The following GRHL2 variants were observed in gnomAD, a reference collection of about 807,000 sequenced individuals.
GRHL2 encodes the protein grainyhead-like protein 2 homolog.
In GRHL2, 21 loss-of-function variants were observed where a neutral mutation model predicts 83.8. That is an observed-to-expected ratio of 0.25 (90% CI 0.18 to 0.36). The LOEUF (loss-of-function observed/expected upper bound fraction) is 0.36, where lower values mean the gene tolerates loss of function less well. GRHL2 is among the 10% of genes least tolerant of loss of function. The pLI, the probability that GRHL2 is intolerant of heterozygous loss-of-function variation, is 1.00. For missense variants in GRHL2, 623 were observed against 781.8 expected, an observed-to-expected ratio of 0.80 and a Z score of 2.42; for synonymous variants, 280 against 278.9, an observed-to-expected ratio of 1.00 and a Z score of -0.04.
intron 14 of GRHL2, 29 bp downstream of exon 14, chr8:101,649,528 G>A (rs767972231): frequency 6.5e-7 from 1 of 1,541,962 alleles, no homozygotes; most frequent in East Asian, 2.2e-5. Context: ...TCAGCCTCCA[G>A]GAAACCTGCT....
chr8:101,575,270 T>A (rs1480800513), intron 6 of GRHL2, among the ~76,000 whole-genome samples: 1 of 152,046 alleles, frequency 6.6e-6, no homozygotes, highest in Non-Finnish European at 1.5e-5. Context: ...CCTCTTAACA[T>A]CATTATCATC....
chr8:101,656,760 AGT>A (rs1397337346), intron 14 of GRHL2, among the ~76,000 whole-genome samples: 2 of 152,220 alleles, frequency 1.3e-5, no homozygotes, highest in South Asian at 2.1e-4. Context: ...AGGATAAATG[AGT>A]GTGTATACAT....
chr8:101,583,106 G>A (rs191363221), intron 7 of GRHL2, among the ~76,000 whole-genome samples: 2 of 152,314 alleles, frequency 1.3e-5, no homozygotes, highest in East Asian at 3.9e-4. Context: ...ATAGAATACT[G>A]TGACAAAATG....
At chr8:101,595,550 G>C (rs1477238414) in intron 7 of GRHL2, among the ~76,000 whole-genome samples, 1 of 152,192 alleles carries the variant, frequency 6.6e-6, no homozygotes, top group Non-Finnish European at 1.5e-5. Context: ...AAGGACTTCA[G>C]TTGATCTAAA....
At chr8:101,677,151 A>G in the GRHL2 span, among the ~76,000 whole-genome samples, 1 of 152,000 alleles carries the variant, frequency 6.6e-6, no homozygotes, top group South Asian at 2.1e-4. Context: ...AGCATGGCAC[A>G]TGTATACATA....
chr8:101,678,511 G>A, the GRHL2 span, among the ~76,000 whole-genome samples: 7 of 151,904 alleles, frequency 4.6e-5, no homozygotes, highest in East Asian at 1.9e-4. Context: ...GGGGAGGGGC[G>A]CCCGCCATTG....
At chr8:101,604,100 A>G (rs1812577626) in intron 8 of GRHL2, among the ~76,000 whole-genome samples, 1 of 150,470 alleles carries the variant, frequency 6.6e-6, no homozygotes, top group Non-Finnish European at 1.5e-5. Flanking sequence ...GTGTGTGTAG[A>G]TTAAGATCCC....
chr8:101,502,155 A>G (rs941217150), intron 1 of GRHL2, among the ~76,000 whole-genome samples: 10 of 152,338 alleles, frequency 6.6e-5, no homozygotes, highest in African/African-American at 2.4e-4. Context: ...TGCATTGCCA[A>G]TAAGATAATT....
In GRHL2 at chr8:101,558,446, G is replaced by C; in HGVS notation, c.312G>C (p.Gln104His). The C allele has an allele frequency of 6.2e-7, 1 of 1,614,192 alleles. No homozygotes were observed. Among genetic ancestry groups the C allele is most frequent in the South Asian group, 1.1e-5 (1 of 91,072 alleles). The change falls in exon 4 of 16, where the codon CAG becomes CAC. Residue 104 changes from glutamine (Q) to histidine (H), a missense_variant. This residue lies in a region of GRHL2 where 239 missense variants were observed against 240.5 expected (regional missense o/e 0.99). Coordinates refer to ENST00000646743, the MANE Select transcript of GRHL2 (RefSeq NM_024915.4). Reference protein sequence around the residue: ...KRNCLGTSEAQSNLSGGENRV... With the variant: ...KRNCLGTSEAHSNLSGGENRV... ...ACTGCCTTGGCACCAGTGAAGCCCA[G>C]AGTAATTTGAGTGGAGGAGAAAACC...
At chr8:101,560,916 A>G (rs1247502407) in intron 4 of GRHL2, among the ~76,000 whole-genome samples, 1 of 152,066 alleles carries the variant, frequency 6.6e-6, no homozygotes, top group Non-Finnish European at 1.5e-5. Flanking sequence ...TTAGTCACAT[A>G]TTTTGCAGTC....
At chr8:101,506,014 T>C (rs1284082031) in intron 1 of GRHL2, among the ~76,000 whole-genome samples, 1 of 152,240 alleles carries the variant, frequency 6.6e-6, no homozygotes, top group Non-Finnish European at 1.5e-5. Context: ...TAACTAGATT[T>C]TGATGTTGTC....
chr8:101,667,243 T>G lies in GRHL2; in HGVS notation c.*540T>G, dbSNP rs551572401. The G allele has an allele frequency of 2.1e-5, 4 of 187,176 alleles. No homozygotes were observed. Among genetic ancestry groups the G allele is most frequent in the African/African-American group, 9.3e-5 (4 of 43,218 alleles). The allele number at this position is 187,176 out of a possible 1,614,324, so 11.6% of individuals were successfully genotyped here. On this transcript the variant is annotated 3_prime_UTR_variant, in exon 16 of 16. Transcript: ENST00000646743. ...GGGGAAGGCTGTCTTGCTAAATACC[T>G]CCAGGGTTCCCAGCAAGTGGCCACC... is the stretch of plus-strand genomic sequence containing the variant.
At chr8:101,539,909 G>A (rs566149221) in intron 1 of GRHL2, among the ~76,000 whole-genome samples, 1 of 152,270 alleles carries the variant, frequency 6.6e-6, no homozygotes, top group Admixed American at 6.5e-5. Flanking sequence ...GCATGGCCCT[G>A]TGATAGTGAT....
chr8:101,573,602 A>G, intron 5 of GRHL2, 66 bp from the exon 6 acceptor site: 1 of 1,582,216 alleles, frequency 6.3e-7, no homozygotes, highest in Non-Finnish European at 8.7e-7. Context: ...CTATGATGTG[A>G]AATTGGTCAA....
At chr8:101,516,172 C>T (rs1810568261) in intron 1 of GRHL2, among the ~76,000 whole-genome samples, 1 of 152,154 alleles carries the variant, frequency 6.6e-6, no homozygotes, top group African/African-American at 2.4e-5. Flanking sequence ...CTCCAGAAAC[C>T]TGGTGGTTTA....
At chr8:101,666,547 A>C in intron 15 of GRHL2, 42 bp from the exon 16 acceptor site, 5 of 1,180,754 alleles carry the variant, frequency 4.2e-6, no homozygotes, top group Non-Finnish European at 6.4e-6. Context: ...CACATTGTTC[A>C]CGGCGTCTTT....
intron 1 of GRHL2, among the ~76,000 whole-genome samples, chr8:101,496,022 C>T (rs532432932): frequency 6.5e-4 from 99 of 151,770 alleles, no homozygotes; most frequent in Middle Eastern, 6.8e-3. Flanking sequence ...GTGGCAGGTG[C>T]CTGTAATCTC....
chr8:101,667,129 G>A lies in GRHL2; in HGVS notation c.*426G>A, dbSNP rs1307608923. 1 of 261,540 alleles carries A rather than the reference G, an allele frequency of 3.8e-6. No homozygotes were observed. Among genetic ancestry groups the A allele is most frequent in the East Asian group, 8.4e-5 (1 of 11,958 alleles). 16.2% of individuals were successfully genotyped at this position (261,540 alleles called of 1,614,324 possible). ...TCCATATCTATCTCCCGAGTGGCTG[G>A]ACAAAATGAGCTACGTCTGGGTGCA... On this transcript the variant is annotated 3_prime_UTR_variant, in exon 16 of 16. Coordinates refer to ENST00000646743, the MANE Select transcript of GRHL2 (RefSeq NM_024915.4).
intron 8 of GRHL2, among the ~76,000 whole-genome samples, chr8:101,616,070 T>TC (rs1554592724): frequency 7.3e-6 from 1 of 136,520 alleles, no homozygotes; most frequent in African/African-American, 2.7e-5. Flanking sequence ...CCTCCCCTCC[T>TC]CCTCCCTCCC....
Sources: allele counts gnomAD v4.1 joint callset (sites outside exome capture counted in the v4.1 genomes callset), GRCh38; gene constraint gnomAD v4.1.1; regional missense constraint gnomAD v4.1.1; transcripts MANE v1.5; gene names NCBI Gene and HGNC (gene_info 2026-07-23, HGNC 2026-07-21).